Variants in CLDN10 observed in about 807,000 individuals in gnomAD.
CLDN10 encodes the protein claudin-10.
A neutral mutation model predicts 22.9 loss-of-function variants in CLDN10; 15 were observed. The ratio of observed to expected loss-of-function variants is 0.65; its 90% CI spans 0.44 to 1.01. The LOEUF (loss-of-function observed/expected upper bound fraction) is 1.01, where lower values mean the gene tolerates loss of function less well. Among genes scored for constraint, CLDN10 ranks in the 50% least tolerant of loss-of-function variants. The probability of loss-of-function intolerance (pLI) is 0.00; values close to 1 mark genes in which losing one functional copy is unlikely to be tolerated. For missense variants in CLDN10, 247 were observed against 287.8 expected, an observed-to-expected ratio of 0.86 and a Z score of 1.03; for synonymous variants, 114 against 111.4, an observed-to-expected ratio of 1.02 and a Z score of -0.15.
intron 1 of CLDN10, among the ~76,000 whole-genome samples, chr13:95,524,701 T>G (rs997496410): frequency 6.6e-6 from 1 of 152,238 alleles, no homozygotes; most frequent in Non-Finnish European, 1.5e-5. Context: ...AGTCATATAG[T>G]AATTCTAGGT....
intron 1 of CLDN10, among the ~76,000 whole-genome samples, chr13:95,454,395 C>T (rs911408151): frequency 3.3e-5 from 5 of 152,028 alleles, no homozygotes; most frequent in African/African-American, 1.2e-4. Flanking sequence ...GAGATTGCCC[C>T]ACTGCACTCC....
intron 1 of CLDN10, among the ~76,000 whole-genome samples, chr13:95,538,617 C>A (rs1187029783): frequency 2.0e-5 from 3 of 152,200 alleles, no homozygotes; most frequent in Non-Finnish European, 2.9e-5. Context: ...AATCCTCACG[C>A]TGCATCTTGG....
chr13:95,506,294 C>A (rs539420032), intron 1 of CLDN10, among the ~76,000 whole-genome samples: 2 of 152,300 alleles, frequency 1.3e-5, no homozygotes, highest in East Asian at 3.9e-4. Context: ...GCTACAGCAG[C>A]CTTCTCTTTC....
At position 95,579,400 on chromosome 13, in the gene CLDN10, C is replaced by T. The variant is rs1019740878; in HGVS notation, c.*1386C>T. 2.0e-4 allele frequency: 31 copies of T among 152,172 alleles called. No individual in the cohort carries two copies. The highest frequency in any genetic ancestry group is 6.0e-4 in the African/African-American group (25 of 41,456). 9.4% of individuals were successfully genotyped at this position (152,172 alleles called of 1,614,324 possible). ...TTCATACACACCTTTCATGTCCTGT[C>T]TCACTCACTCCTCACAGCCATCCTA... On this transcript the variant is annotated 3_prime_UTR_variant, in exon 5 of 5. Coordinates refer to ENST00000299339, the MANE Select transcript of CLDN10 (RefSeq NM_006984.5).
intron 1 of CLDN10, among the ~76,000 whole-genome samples, chr13:95,466,723 C>CA (rs971271515): frequency 9.3e-5 from 14 of 150,158 alleles, no homozygotes; most frequent in Non-Finnish European, 1.5e-4. Flanking sequence ...TCAAGGTAGG[C>CA]AAAAAAAATA....
chr13:95,475,293 G>A (rs1166269100), intron 1 of CLDN10, among the ~76,000 whole-genome samples: 1 of 152,226 alleles, frequency 6.6e-6, no homozygotes, highest in Non-Finnish European at 1.5e-5. Context: ...AAGCTCCCTG[G>A]TTGGGAGAAA....
At chr13:95,568,919 G>A (rs547747129) in intron 3 of CLDN10, among the ~76,000 whole-genome samples, 8 of 152,176 alleles carry the variant, frequency 5.3e-5, no homozygotes, top group East Asian at 3.9e-4. Context: ...GTAAACCCTC[G>A]CTCTGCCACT....
At chr13:95,446,949 T>C (rs2042386688) in intron 1 of CLDN10, among the ~76,000 whole-genome samples, 1 of 152,314 alleles carries the variant, frequency 6.6e-6, no homozygotes, top group Non-Finnish European at 1.5e-5. Context: ...CATCTAACCT[T>C]TTCTGGGAGA....
intron 1 of CLDN10, among the ~76,000 whole-genome samples, chr13:95,471,453 A>ATATATATTTTTTTTTTT (rs776857009): frequency 9.4e-6 from 1 of 106,414 alleles, no homozygotes; most frequent in African/African-American, 4.0e-5. Flanking sequence ...ATATATATAT[A>ATATATATTTTTTTTTTT]TTTTTTTTTT....
chr13:95,533,195 A>G (rs1420175220), intron 1 of CLDN10, among the ~76,000 whole-genome samples: 1 of 145,722 alleles, frequency 6.9e-6, no homozygotes, highest in Non-Finnish European at 1.5e-5. Flanking sequence ...TGAGGCCTGC[A>G]ATTTATTTTT....
At chr13:95,443,358 T>G (rs1413822681) in intron 1 of CLDN10, among the ~76,000 whole-genome samples, 5 of 152,230 alleles carry the variant, frequency 3.3e-5, no homozygotes, top group African/African-American at 7.2e-5. Flanking sequence ...GAAAAGAATC[T>G]TATTGTATGA....
intron 1 of CLDN10, among the ~76,000 whole-genome samples, chr13:95,555,420 CACTG>C (rs1018815366): frequency 1.6e-4 from 24 of 152,160 alleles, no homozygotes; most frequent in African/African-American, 5.1e-4. Flanking sequence ...GGTCAAAACT[CACTG>C]ACCGTTTTTT....
intron 1 of CLDN10, among the ~76,000 whole-genome samples, chr13:95,476,286 C>T (rs757587143): frequency 7.9e-5 from 12 of 152,160 alleles, no homozygotes; most frequent in South Asian, 4.1e-4. Context: ...TCATAGACAA[C>T]AGAAATGTAT....
chr13:95,526,031 G>A (rs541330513), intron 1 of CLDN10, among the ~76,000 whole-genome samples: 4 of 151,976 alleles, frequency 2.6e-5, no homozygotes, highest in Admixed American at 6.6e-5. Flanking sequence ...CAATGTTTTC[G>A]CACTTCTCTC....
intron 1 of CLDN10, among the ~76,000 whole-genome samples, chr13:95,461,302 C>G (rs1364510974): frequency 6.6e-6 from 1 of 152,148 alleles, no homozygotes; most frequent in African/African-American, 2.4e-5. Flanking sequence ...AGCTAGAACA[C>G]TCTAGTACTT....
At chr13:95,567,651 A>G (rs1007295521) in intron 3 of CLDN10, among the ~76,000 whole-genome samples, 1 of 152,152 alleles carries the variant, frequency 6.6e-6, no homozygotes, top group African/African-American at 2.4e-5. Context: ...AGAACTTCCA[A>G]CACTATGTTG....
At chr13:95,487,312 A>T (rs1329254813) in intron 1 of CLDN10, among the ~76,000 whole-genome samples, 1 of 152,220 alleles carries the variant, frequency 6.6e-6, no homozygotes, top group African/African-American at 2.4e-5. Context: ...ACACTGATAT[A>T]AAGTCATCAC....
intron 1 of CLDN10, among the ~76,000 whole-genome samples, chr13:95,486,207 T>C (rs2042801706): frequency 6.6e-6 from 1 of 152,166 alleles, no homozygotes; most frequent in Non-Finnish European, 1.5e-5. Context: ...CCTAACTTGT[T>C]CTGTGAGTGT....
chr13:95,536,654 G>A (rs1031726402), intron 1 of CLDN10, among the ~76,000 whole-genome samples: 12 of 152,178 alleles, frequency 7.9e-5, no homozygotes, highest in Admixed American at 6.5e-5. Flanking sequence ...GCGCTTCATA[G>A]TGCCATCTAT....
Sources: gnomAD v4.1 joint callset for allele counts (sites outside exome capture counted in the v4.1 genomes callset) on GRCh38, gnomAD v4.1.1 for gene constraint, MANE v1.5 for transcripts, NCBI Gene and HGNC (gene_info 2026-07-23, HGNC 2026-07-21) for gene names.